Variants in PCDH11X observed in about 807,000 individuals in gnomAD.
The protein encoded by PCDH11X is protocadherin-11 X-linked.
A neutral mutation model predicts 53.3 loss-of-function variants in PCDH11X; 18 were observed. That is an observed-to-expected ratio of 0.34 (90% CI 0.23 to 0.50). The LOEUF (loss-of-function observed/expected upper bound fraction) is 0.50. Ranked by LOEUF, PCDH11X falls within the 20% of genes least tolerant of loss-of-function variation. The probability of loss-of-function intolerance (pLI) is 0.98; values close to 1 mark genes in which losing one functional copy is unlikely to be tolerated. For synonymous variants in PCDH11X, 279 were observed against 393.3 expected (o/e 0.71, Z 3.44); for missense variants, 570 against 1,032.4 (o/e 0.55, Z 6.14).
chrX:92,140,049 AAAAAATATTTT>A (rs1299111729), intron 6 of PCDH11X, among the ~76,000 whole-genome samples: 1 of 101,757 alleles, frequency 9.8e-6, no homozygotes, highest in East Asian at 4.7e-4. Flanking sequence ...AGATATTGTA[AAAAAATATTTT>A]AAACTATAGA....
At chrX:92,333,643 C>A (rs1266490609) in intron 8 of PCDH11X, among the ~76,000 whole-genome samples, 1 of 111,150 alleles carries the variant, frequency 9.0e-6, no homozygotes, top group Non-Finnish European at 1.9e-5. Flanking sequence ...TTGTAGACAG[C>A]CAGGACAAGT....
At chrX:91,986,320 GCTAA>G (rs1172222237) in intron 6 of PCDH11X, among the ~76,000 whole-genome samples, 2 of 111,674 alleles carry the variant, frequency 1.8e-5, no homozygotes, top group Non-Finnish European at 3.8e-5. Context: ...TTATAAATGT[GCTAA>G]CTTTCTATTA....
chrX:92,190,100 A>C (rs1467102326), intron 6 of PCDH11X, among the ~76,000 whole-genome samples: 2 of 111,672 alleles, frequency 1.8e-5, no homozygotes, highest in African/African-American at 6.5e-5. Flanking sequence ...CTTTTTTTGC[A>C]ATTGCTGTTG....
intron 6 of PCDH11X, among the ~76,000 whole-genome samples, chrX:92,125,592 G>C (rs1478282637): frequency 2.7e-5 from 3 of 110,885 alleles, no homozygotes; most frequent in Non-Finnish European, 5.7e-5. Context: ...CCCTTTTAAG[G>C]ATGTTACTAA....
chrX:91,838,691 C>A (rs770640647), intron 5 of PCDH11X, among the ~76,000 whole-genome samples: 93 of 108,730 alleles, frequency 8.6e-4, no homozygotes, highest in Non-Finnish European at 1.5e-3. Context: ...TTTTAAAAAT[C>A]CCTTTGTCCT....
At position 92,440,197 on chromosome X, in the gene PCDH11X, A is replaced by G. The variant is rs1484649254; in HGVS notation, c.3344-28102A>G. 4.6e-5 allele frequency among the ~76,000 whole-genome samples: 5 copies of G among 107,934 alleles called. No individual in the cohort carries two copies. The Admixed American group carries it at 5.1e-4, about 11-fold the overall frequency. The allele number at this position is 107,934 out of a possible 115,157, so 93.7% of individuals were successfully genotyped here. On this transcript the variant is annotated intron_variant, in intron 9 of 10. Coordinates refer to ENST00000682573, the MANE Select transcript of PCDH11X (RefSeq NM_032968.5). ...AAGTTTTATTTTAGATTCAGGGAGT[A>G]CATGTGCAGTATGTTACCTGGGTAT...
chrX:91,970,956 C>A (rs922497609), intron 6 of PCDH11X, among the ~76,000 whole-genome samples: 4 of 111,107 alleles, frequency 3.6e-5, no homozygotes, highest in African/African-American at 6.5e-5. Flanking sequence ...GCATTGTCAA[C>A]CATAGCGTCA....
chrX:92,007,624 A>G (rs1289719963), intron 6 of PCDH11X, among the ~76,000 whole-genome samples: 1 of 111,657 alleles, frequency 9.0e-6, no homozygotes, highest in Non-Finnish European at 1.9e-5. Context: ...GTGGCCTGAT[A>G]TTGCTGAAAT....
chrX:92,213,643 T>C (rs2148339872), intron 7 of PCDH11X, among the ~76,000 whole-genome samples: 1 of 111,464 alleles, frequency 9.0e-6, no homozygotes, highest in African/African-American at 3.3e-5. Context: ...ACAGAGCAGA[T>C]GGGTGTCATG....
chrX:92,348,898 G>A (rs2069973495), intron 8 of PCDH11X, among the ~76,000 whole-genome samples: 1 of 103,957 alleles, frequency 9.6e-6, no homozygotes, highest in South Asian at 4.4e-4. Flanking sequence ...AGCACTACTG[G>A]CTTCCTGACA....
intron 8 of PCDH11X, among the ~76,000 whole-genome samples, chrX:92,386,491 A>C (rs957839666): frequency 1.7e-3 from 187 of 109,545 alleles, no homozygotes; most frequent in African/African-American, 5.8e-3. Flanking sequence ...CATAAAAATC[A>C]ATAGTCCTTC....
chrX:92,192,946 C>T (rs2066225516), intron 6 of PCDH11X, among the ~76,000 whole-genome samples: 1 of 111,487 alleles, frequency 9.0e-6, no homozygotes, highest in Non-Finnish European at 1.9e-5. Flanking sequence ...ACCATGTTGG[C>T]CAGGCTGGTC....
At chrX:91,834,349 A>T (rs1403106511) in intron 4 of PCDH11X, among the ~76,000 whole-genome samples, 1 of 110,482 alleles carries the variant, frequency 9.1e-6, no homozygotes, top group Non-Finnish European at 1.9e-5. Flanking sequence ...AACTGAAATA[A>T]TTTTAAAGCT....
At chrX:92,128,881 C>G (rs1367424191) in intron 6 of PCDH11X, among the ~76,000 whole-genome samples, 1 of 109,409 alleles carries the variant, frequency 9.1e-6, no homozygotes, top group Non-Finnish European at 1.9e-5. Flanking sequence ...ATTATAGCAG[C>G]ATAATATTCT....
chrX:92,232,916 C>T (rs2067105283), intron 7 of PCDH11X, among the ~76,000 whole-genome samples: 1 of 110,949 alleles, frequency 9.0e-6, no homozygotes, highest in Non-Finnish European at 1.9e-5. Flanking sequence ...GGGGTTTCAC[C>T]ATGTTAGCCA....
intron 6 of PCDH11X, among the ~76,000 whole-genome samples, chrX:92,095,343 T>C (rs2148125230): frequency 9.0e-6 from 1 of 111,422 alleles, no homozygotes; most frequent in South Asian, 3.7e-4. Context: ...TGTTTTTTTC[T>C]CCAAAAATAC....
At chrX:92,272,300 G>A (rs1318680693) in intron 8 of PCDH11X, among the ~76,000 whole-genome samples, 1 of 111,297 alleles carries the variant, frequency 9.0e-6, no homozygotes, top group African/African-American at 3.3e-5. Context: ...TATTATTTTT[G>A]GCATGTTTTC....
At chrX:92,202,787 C>T (rs1222157277) in intron 7 of PCDH11X, among the ~76,000 whole-genome samples, 5 of 111,052 alleles carry the variant, frequency 4.5e-5, no homozygotes, top group South Asian at 3.8e-4. Flanking sequence ...TTTGGAAGGC[C>T]GAGGAGTGTG....
At position 91,906,789 on chromosome X, in the gene PCDH11X, T is replaced by A. The variant is rs1305145804; in HGVS notation, c.3033+27516T>A. ...CACTCAGGAAAATTAATTACTTAAT[T>A]AATTAATTATGGTCGTATGAACTCT... On this transcript the variant is annotated intron_variant, in intron 6 of 10. Transcript: ENST00000682573. Among the ~76,000 whole-genome samples, 3 of 111,563 alleles carry A rather than the reference T, an allele frequency of 2.7e-5. No individual in the cohort carries two copies. In the East Asian group the frequency reaches 8.5e-4, roughly 31 times the overall value.
Sources: gnomAD v4.1 joint callset for allele counts (sites outside exome capture counted in the v4.1 genomes callset) on GRCh38, gnomAD v4.1.1 for gene constraint, MANE v1.5 for transcripts, NCBI Gene and HGNC (gene_info 2026-07-23, HGNC 2026-07-21) for gene names.